Variants in SNX8 observed in about 807,000 individuals in gnomAD.
The protein encoded by SNX8 is sorting nexin 8.
Under a neutral mutation model 51.6 loss-of-function variants are expected in SNX8, and 25 were observed. The observed-to-expected ratio is 0.48, with a 90% CI of 0.35 to 0.68. The LOEUF (loss-of-function observed/expected upper bound fraction) is 0.68. Among genes scored for constraint, SNX8 ranks in the 30% least tolerant of loss-of-function variants. The pLI is 0.00. For synonymous variants in SNX8, 324 were observed against 277.0 expected (o/e 1.17, Z -1.68); for missense variants, 695 against 624.0 (o/e 1.11, Z -1.21).
chr7:2,309,973 G>A (rs7805462), intron 1 of SNX8: 141,699 of 426,758 alleles, frequency 0.33, 26,302 homozygotes, highest in African/African-American at 0.61. Flanking sequence ...AGGTCAACGC[G>A]GACAAACAGC....
chr7:2,307,324 G>A lies in SNX8; in HGVS notation c.94+7004C>T, dbSNP rs866249467. Among the ~76,000 whole-genome samples, 88 of 151,686 alleles carry A rather than the reference G, an allele frequency of 5.8e-4. 1 individual carries two copies. Among genetic ancestry groups the A allele is most frequent in the Admixed American group, 1.6e-3 (24 of 15,220 alleles). ...GTAGAAATATGCAGAGCGTGGCCGCGCTCCAGTTTCTCAGAGGATGACAAT... is the reference window on the plus strand; with the variant it reads ...GTAGAAATATGCAGAGCGTGGCCGCACTCCAGTTTCTCAGAGGATGACAAT... On this transcript the variant is annotated intron_variant, in intron 1 of 10. Transcript: ENST00000222990.
intron 10 of SNX8, among the ~76,000 whole-genome samples, chr7:2,256,102 C>T (rs368216986): frequency 6.6e-6 from 1 of 152,346 alleles, no homozygotes; most frequent in African/African-American, 2.4e-5. Context: ...CTCACATGTC[C>T]AAGTCCAACC....
chr7:2,343,586 A>G (rs2115247356), intron 1 of SNX8, among the ~76,000 whole-genome samples: 1 of 151,854 alleles, frequency 6.6e-6, no homozygotes, highest in South Asian at 2.1e-4. Context: ...GAGGCAGGAG[A>G]ATGGCGTAAA....
At chr7:2,270,343 A>AAAAAAT (rs1554262913) in intron 4 of SNX8, among the ~76,000 whole-genome samples, 1 of 147,542 alleles carries the variant, frequency 6.8e-6, no homozygotes, top group African/African-American at 2.5e-5. Flanking sequence ...AAAAAAAAAG[A>AAAAAAT]CCTGAGGCCC....
chr7:2,277,778 G>A (rs557061995), intron 2 of SNX8, among the ~76,000 whole-genome samples: 1 of 151,666 alleles, frequency 6.6e-6, no homozygotes, highest in Non-Finnish European at 1.5e-5. Flanking sequence ...CTGCACTCCA[G>A]CCTGGGCGAC....
intron 1 of SNX8, among the ~76,000 whole-genome samples, chr7:2,304,605 T>C (rs1229179458): frequency 6.6e-6 from 1 of 151,900 alleles, no homozygotes; most frequent in Non-Finnish European, 1.5e-5. Flanking sequence ...GTCCCCTCAC[T>C]GAGTAGCCCA....
Position 2,269,705 on chromosome 7 carries a change from G to C in SNX8, c.541-66C>G, listed in dbSNP as rs938344790. On this transcript the variant is annotated intron_variant, in intron 4 of 10. Transcript: ENST00000222990. ...CAGCAAGAAAGCTGCTGTGGGGTAT[G>C]GGTCACTGTGGAGCGGGAGGTCGTC... 143 of 1,056,074 alleles carry C rather than the reference G, an allele frequency of 1.4e-4. No homozygotes were observed. The African/African-American group carries it at 2.1e-3, about 16-fold the overall frequency. The allele number at this position is 1,056,074 out of a possible 1,614,324, so 65.4% of individuals were successfully genotyped here.
chr7:2,271,070 G>T (rs1328911708), intron 4 of SNX8, among the ~76,000 whole-genome samples: 2 of 152,178 alleles, frequency 1.3e-5, no homozygotes, highest in East Asian at 1.9e-4. Flanking sequence ...TTGAGACAGG[G>T]TCTCACTCTG....
intron 3 of SNX8, among the ~76,000 whole-genome samples, chr7:2,273,797 G>T (rs1041045265): frequency 4.0e-5 from 6 of 151,566 alleles, no homozygotes; most frequent in East Asian, 1.9e-4. Flanking sequence ...CCAGCTACGC[G>T]GGAGGCTGAG....
chr7:2,318,523 C>CA (rs540609640), upstream of SNX8, among the ~76,000 whole-genome samples: 203 of 112,166 alleles, frequency 1.8e-3, 2 homozygotes, highest in Middle Eastern at 5.8e-3. Flanking sequence ...AACTCTGTCT[C>CA]AAAAAAAAAA....
chr7:2,278,725 A>C (rs74712691), intron 1 of SNX8, among the ~76,000 whole-genome samples: 60 of 80,222 alleles, frequency 7.5e-4, no homozygotes, highest in South Asian at 1.1e-3. Context: ...ACGGAGTCGA[A>C]GCCGGACTCA....
intron 4 of SNX8, among the ~76,000 whole-genome samples, chr7:2,271,265 C>T (rs932985993): frequency 3.3e-5 from 5 of 152,246 alleles, no homozygotes; most frequent in Admixed American, 2.0e-4. Context: ...TGGTCTCAAA[C>T]GCCTGGGCTT....
At chr7:2,323,793 C>G (rs1778580191) in intron 1 of SNX8, among the ~76,000 whole-genome samples, 2 of 152,150 alleles carry the variant, frequency 1.3e-5, no homozygotes, top group Admixed American at 1.3e-4. Flanking sequence ...GTACTAGGAA[C>G]TGAGTCTTCT....
At chr7:2,279,685 G>A (rs964023205) in intron 1 of SNX8, among the ~76,000 whole-genome samples, 3 of 151,404 alleles carry the variant, frequency 2.0e-5, no homozygotes, top group African/African-American at 7.3e-5. Flanking sequence ...CCGGGAAGGC[G>A]GAGGCTGCAG....
chr7:2,287,998 A>G (rs1470189323), intron 1 of SNX8: 1 of 152,372 alleles, frequency 6.6e-6, no homozygotes, highest in Non-Finnish European at 1.5e-5. Context: ...TTTTGAACAC[A>G]CTGGTGGTGT....
At chr7:2,346,935 A>AAAAAAAG (rs1779041682) in intron 1 of SNX8, among the ~76,000 whole-genome samples, 1 of 150,450 alleles carries the variant, frequency 6.6e-6, no homozygotes, top group Admixed American at 6.6e-5. Flanking sequence ...AAAAAAAAAA[A>AAAAAAAG]AAAAAAGAAA....
chr7:2,274,767 GTGCTCC>G (rs1180790556), intron 3 of SNX8, among the ~76,000 whole-genome samples: 1 of 152,216 alleles, frequency 6.6e-6, no homozygotes, highest in African/African-American at 2.4e-5. Flanking sequence ...TGAGCACACA[GTGCTCC>G]TGGCAGCCCT....
chr7:2,315,043 C>G (rs958991198), upstream of SNX8, among the ~76,000 whole-genome samples: 1 of 151,780 alleles, frequency 6.6e-6, no homozygotes, highest in African/African-American at 2.4e-5. Flanking sequence ...CACTCACTCA[C>G]TGCATCCTGC....
At chr7:2,305,740 A>C (rs1471256171) in intron 1 of SNX8, among the ~76,000 whole-genome samples, 1 of 152,112 alleles carries the variant, frequency 6.6e-6, no homozygotes, top group East Asian at 1.9e-4. Context: ...GAACACTCGA[A>C]CAAAATTATT....
Sources: allele counts gnomAD v4.1 joint callset (sites outside exome capture counted in the v4.1 genomes callset), GRCh38; gene constraint gnomAD v4.1.1; transcripts MANE v1.5; gene names NCBI Gene and HGNC (gene_info 2026-07-23, HGNC 2026-07-21).